The following NT5DC1 variants were observed in gnomAD, a reference collection of about 807,000 sequenced individuals.
The protein encoded by NT5DC1 is 5'-nucleotidase domain-containing protein 1.
Under a neutral mutation model 59.4 loss-of-function variants are expected in NT5DC1, and 42 were observed. The ratio of observed to expected loss-of-function variants is 0.71; its 90% confidence interval spans 0.55 to 0.92. NT5DC1 has a LOEUF of 0.92. NT5DC1 is among the 40% of genes least tolerant of loss of function. NT5DC1 has a pLI of 0.00. For synonymous variants in NT5DC1, 172 were observed against 188.1 expected (o/e 0.91, Z 0.70); for missense variants, 501 against 537.1 (o/e 0.93, Z 0.66).
chr6:116,207,681 G>C (rs1781485726), intron 6 of NT5DC1, among the ~76,000 whole-genome samples: 1 of 151,906 alleles, frequency 6.6e-6, no homozygotes, highest in Non-Finnish European at 1.5e-5. Flanking sequence ...GAGGAATTTA[G>C]ATGGTTAAAA....
chr6:116,123,203 G>A (rs1484834101), intron 6 of NT5DC1, among the ~76,000 whole-genome samples: 1 of 152,112 alleles, frequency 6.6e-6, no homozygotes, highest in Non-Finnish European at 1.5e-5. Flanking sequence ...TATTAAAAAG[G>A]AGAAACAAGT....
At chr6:116,104,783 C>T (rs1312420374) in intron 1 of NT5DC1, among the ~76,000 whole-genome samples, 18 of 152,128 alleles carry the variant, frequency 1.2e-4, no homozygotes, top group Admixed American at 1.2e-3. Flanking sequence ...GTGATGTGGA[C>T]TTTTTATTGT....
chr6:116,184,015 A>C (rs1780939390), intron 6 of NT5DC1, among the ~76,000 whole-genome samples: 1 of 151,992 alleles, frequency 6.6e-6, no homozygotes. Flanking sequence ...TTCCCTGTTC[A>C]GTTTAATGTT....
chr6:116,226,184 A>G (rs1422749353), intron 8 of NT5DC1, among the ~76,000 whole-genome samples: 5 of 152,182 alleles, frequency 3.3e-5, no homozygotes, highest in Non-Finnish European at 7.3e-5. Flanking sequence ...ACCAGAAAAA[A>G]ATTTAAATGT....
intron 10 of NT5DC1, 127 bp from the exon 11 acceptor site, chr6:116,238,828 G>A (rs906083887): frequency 5.0e-6 from 3 of 599,128 alleles, no homozygotes; most frequent in South Asian, 2.3e-5. Flanking sequence ...AAAATTTAAT[G>A]TGGGCCCAAA....
At position 116,248,077 on chromosome 6, in the gene NT5DC1, C is replaced by T. The variant is rs955547698; in HGVS notation, c.*4053C>T. 6.6e-6 allele frequency: 1 copy of T among 152,146 alleles called. No individual in the cohort carries two copies. The highest frequency in any genetic ancestry group is 1.5e-5 in the Non-Finnish European group (1 of 68,004). 9.4% of individuals were successfully genotyped at this position (152,146 alleles called of 1,614,324 possible). A position where few individuals can be genotyped will look rare whatever the true frequency, so the allele number is the denominator to read the frequency against. ...AAAGGCTATTCATGAATAAGCATAA[C>T]CTTCAACTGAGGCCTGAATAGTCAT... On this transcript the variant is annotated 3_prime_UTR_variant, in exon 12 of 12. Transcript: ENST00000319550.
At chr6:116,238,091 C>CT (rs1782154962) in intron 9 of NT5DC1, 96 bp from the exon 10 acceptor site, 1 of 824,234 alleles carries the variant, frequency 1.2e-6, no homozygotes, top group Non-Finnish European at 1.9e-6. Context: ...TTGTCATACT[C>CT]TGATGCCTGT....
Position 116,139,571 on chromosome 6 carries a change from A to T in NT5DC1, c.529+21626A>T, listed in dbSNP as rs181834905. On this transcript the variant is annotated intron_variant, in intron 6 of 11. Transcript: ENST00000319550. The stretch of plus-strand genomic sequence containing the variant: ...GCAGTGTTAATAAGTGTATTGGAAT[A>T]TTAAAAAACATTTTATAAGACAGTA... Among the ~76,000 whole-genome samples, 394 of 152,290 alleles carry T rather than the reference A, an allele frequency of 2.6e-3. 10 individuals are homozygous for T. The South Asian group carries it at 0.043, about 17-fold the overall frequency.
At position 116,181,245 on chromosome 6, in the gene NT5DC1, T is replaced by C. The variant is rs1000522531; in HGVS notation, c.530-39809T>C. On this transcript the variant is annotated intron_variant, in intron 6 of 11. Transcript: ENST00000319550. ...CTTAGGAATATCAGATAAATAAATA[T>C]AGTAAACATTAGGTAAATTACTATA... 9.9e-5 allele frequency among the ~76,000 whole-genome samples: 15 copies of C among 152,106 alleles called. 1 individual carries two copies. In the South Asian group the frequency reaches 1.5e-3, roughly 15 times the overall value.
intron 6 of NT5DC1, among the ~76,000 whole-genome samples, chr6:116,147,495 A>T (rs7764926): frequency 2.9e-3 from 445 of 152,208 alleles, no homozygotes; most frequent in African/African-American, 0.01. Context: ...AAAAATTTCC[A>T]ACTCATGTAA....
chr6:116,179,389 A>G (rs1780823252), intron 6 of NT5DC1, among the ~76,000 whole-genome samples: 1 of 152,146 alleles, frequency 6.6e-6, no homozygotes, highest in African/African-American at 2.4e-5. Context: ...CTTTTCATGC[A>G]TCTGACAAAG....
At chr6:116,229,582 A>G (rs939316473) in intron 8 of NT5DC1, among the ~76,000 whole-genome samples, 1 of 152,094 alleles carries the variant, frequency 6.6e-6, no homozygotes, top group Non-Finnish European at 1.5e-5. Context: ...CAAAATCTTC[A>G]TCCTCTGTTC....
chr6:116,104,662 T>C (rs1306430593), intron 1 of NT5DC1, among the ~76,000 whole-genome samples: 4 of 152,192 alleles, frequency 2.6e-5, no homozygotes, highest in Non-Finnish European at 4.4e-5. Context: ...TTTAGCAGCA[T>C]ACAACATAAT....
At chr6:116,185,956 T>C (rs1010503514) in intron 6 of NT5DC1, among the ~76,000 whole-genome samples, 1 of 152,128 alleles carries the variant, frequency 6.6e-6, no homozygotes. Context: ...ATTGTTGTTT[T>C]ATAGATCCTG....
At chr6:116,110,656 A>C (rs1778856043) in intron 3 of NT5DC1, 194 bp from the exon 4 acceptor site, 1 of 666,252 alleles carries the variant, frequency 1.5e-6, no homozygotes, top group African/African-American at 1.8e-5. Flanking sequence ...TGATGGATTA[A>C]AGCGGGTAAG....
At chr6:116,137,353 G>T in intron 6 of NT5DC1, 1 of 163,284 alleles carries the variant, frequency 6.1e-6, no homozygotes. Flanking sequence ...ATGTTCAACT[G>T]AAACTTGTAG....
chr6:116,222,719 A>G (rs1316412695), intron 7 of NT5DC1, among the ~76,000 whole-genome samples: 1 of 152,188 alleles, frequency 6.6e-6, no homozygotes, highest in African/African-American at 2.4e-5. Context: ...AGATTTTCCA[A>G]ATATTTCCAG....
At chr6:116,240,212 T>C (rs967370743) in intron 11 of NT5DC1, among the ~76,000 whole-genome samples, 4 of 152,348 alleles carry the variant, frequency 2.6e-5, no homozygotes, top group Non-Finnish European at 5.9e-5. Context: ...ATTTGAGTCC[T>C]AGAATGATGT....
chr6:116,195,895 A>G (rs1781216640), intron 6 of NT5DC1, among the ~76,000 whole-genome samples: 1 of 152,028 alleles, frequency 6.6e-6, no homozygotes, highest in Non-Finnish European at 1.5e-5. Flanking sequence ...TTAAGCCACA[A>G]GTTGGAAAGG....
Sources: allele counts gnomAD v4.1 joint callset (sites outside exome capture counted in the v4.1 genomes callset), GRCh38; gene constraint gnomAD v4.1.1; transcripts MANE v1.5; gene names NCBI Gene and HGNC (gene_info 2026-07-23, HGNC 2026-07-21).